The following LCA5L variants were observed in gnomAD, a reference collection of about 807,000 sequenced individuals.
LCA5L encodes lebercilin-like protein.
A neutral mutation model predicts 45.4 loss-of-function variants in LCA5L; 35 were observed. The observed-to-expected ratio is 0.77, with a 90% CI of 0.59 to 1.02. The LOEUF (loss-of-function observed/expected upper bound fraction) is 1.02, where lower values mean the gene tolerates loss of function less well. LCA5L is among the 50% of genes least tolerant of loss of function. The pLI is 0.00. For missense variants in LCA5L, 668 were observed against 761.6 expected, an observed-to-expected ratio of 0.88 and a Z score of 1.45; for synonymous variants, 233 against 264.7, an observed-to-expected ratio of 0.88 and a Z score of 1.16.
chr21:39,436,582 C>A (rs9983100), intron 2 of LCA5L, among the ~76,000 whole-genome samples: 1 of 151,828 alleles, frequency 6.6e-6, no homozygotes, highest in Non-Finnish European at 1.5e-5. Context: ...CCTGGGCTCA[C>A]GCGATCCTCC....
chr21:39,428,428 G>C lies in LCA5L; in HGVS notation c.66C>G (p.Asn22Lys), dbSNP rs141063997. The C allele has an allele frequency of 3.7e-6, 6 of 1,611,532 alleles. No homozygotes were observed. The African/African-American group carries it at 6.7e-5, about 18-fold the overall frequency. ...DEHFFGVALE[N>K]NRRSAACKRS... ...TCTTGCATGCTGCAGACCTCCTATTGTTTTCTAATGCCACGCCGAAGAAAT... is the reference window on the plus strand; with the variant it reads ...TCTTGCATGCTGCAGACCTCCTATTCTTTTCTAATGCCACGCCGAAGAAAT... Residue 22 changes from asparagine to lysine, a missense_variant, in exon 5 of 11, where the codon AAC becomes AAG. By Grantham distance (94) the Asn-to-Lys change is moderately conservative. Coordinates refer to ENST00000288350, the MANE Select transcript of LCA5L (RefSeq NM_152505.4).
rs969639528 is a variant in LCA5L at position 39,423,199 on chromosome 21, T to G, written c.614A>C (p.Asn205Thr). Reference protein sequence around the residue: ...NLPQIMAKHQNEVKNLRQLLR... With the variant: ...NLPQIMAKHQTEVKNLRQLLR... ...TAGTTGCCTTAAATTTTTTACTTCA[T>G]TCTGATGTTTAGCCATAATTTGAGG... Residue 205 changes from asparagine to threonine, a missense_variant, in exon 6 of 11, where the codon AAT (asparagine) becomes ACT (threonine). Coordinates refer to ENST00000288350, the MANE Select transcript of LCA5L (RefSeq NM_152505.4). 6.2e-7 allele frequency: 1 copy of G among 1,613,046 alleles called. No homozygotes were observed. Among genetic ancestry groups the G allele is most frequent in the South Asian group, 1.1e-5 (1 of 90,712 alleles).
intron 7 of LCA5L, among the ~76,000 whole-genome samples, chr21:39,414,742 CTGTGTGTGTG>C (rs66478742): frequency 2.0e-4 from 20 of 99,234 alleles, no homozygotes; most frequent in South Asian, 8.6e-4. Context: ...CTCTCTCTCT[CTGTGTGTGTG>C]TGTGTGTGTG....
intron 10 of LCA5L, among the ~76,000 whole-genome samples, chr21:39,407,580 C>G (rs1303650405): frequency 6.6e-6 from 1 of 152,170 alleles, no homozygotes; most frequent in Admixed American, 6.6e-5. Flanking sequence ...TAAGGTATGG[C>G]ACGTGCAGTC....
rs769708081 is a variant in LCA5L, at chr21:39,405,931, G to A, written c.1964C>T (p.Ser655Phe). 2 of 1,611,110 alleles carry A rather than the reference G, an allele frequency of 1.2e-6. No individual in the cohort carries two copies. Among genetic ancestry groups the A allele is most frequent in the Non-Finnish European group, 1.7e-6 (2 of 1,177,956 alleles). The part of the protein sequence containing the change: ...FGDSKVTVVN[S>F]IKPSSPTEGK... The stretch of plus-strand genomic sequence containing the variant: ...TTCTGTAGGTGACGATGGCTTAATA[G>A]AATTTACCACAGTTACTTTAGAGTC... The change falls in exon 11 of 11, where the codon TCT becomes TTT. Residue 655 changes from serine to phenylalanine, a missense_variant. Coordinates refer to ENST00000288350, the MANE Select transcript of LCA5L (RefSeq NM_152505.4).
intron 3 of LCA5L, among the ~76,000 whole-genome samples, chr21:39,432,451 C>T (rs761612157): frequency 1.3e-5 from 2 of 152,038 alleles, no homozygotes; most frequent in Non-Finnish European, 2.9e-5. Context: ...GCTTACTGAG[C>T]GTACATATTT....
chr21:39,406,789 G>A, intron 10 of LCA5L, 177 bp from the exon 11 acceptor site: 1 of 526,042 alleles, frequency 1.9e-6, no homozygotes, highest in Non-Finnish European at 3.3e-6. Flanking sequence ...TAACAAATGT[G>A]TTATGTTACA....
rs893185281 is a variant in LCA5L at position 39,423,579 on chromosome 21, A to G, written c.323-89T>C. The G allele has an allele frequency of 3.8e-5, 43 of 1,118,776 alleles. No homozygotes were observed. The South Asian group carries it at 7.0e-4, about 18-fold the overall frequency. 69.3% of individuals were successfully genotyped at this position (1,118,776 alleles called of 1,614,324 possible). A position where few individuals can be genotyped will look rare whatever the true frequency, so the allele number is the denominator to read the frequency against. ...TGCATAATCTCTCTCCCATGCCCCC[A>G]TGCACACACACCACACACATACACA... On this transcript the variant is annotated intron_variant, in intron 5 of 10. Transcript: ENST00000288350.
At chr21:39,420,579 C>T (rs2042135833) in intron 7 of LCA5L, 127 bp downstream of exon 7, 1 of 529,362 alleles carries the variant, frequency 1.9e-6, no homozygotes, top group Non-Finnish European at 3.0e-6. Flanking sequence ...AGGCCCCCTA[C>T]AAAGGGTAGA....
intron 7 of LCA5L, among the ~76,000 whole-genome samples, chr21:39,416,964 G>A (rs1441069983): frequency 6.6e-6 from 1 of 152,146 alleles, no homozygotes; most frequent in East Asian, 1.9e-4. Flanking sequence ...TCTGCATCCC[G>A]CGGTTACAAA....
chr21:39,426,860 C>G (rs1388609824), intron 5 of LCA5L, among the ~76,000 whole-genome samples: 1 of 152,148 alleles, frequency 6.6e-6, no homozygotes, highest in African/African-American at 2.4e-5. Flanking sequence ...GAGGTAGGAC[C>G]CCCAGCTCTC....
Position 39,420,668 on chromosome 21 carries a change from C to T in LCA5L, c.975+38G>A, listed in dbSNP as rs373572715. ...TAAATAGCTCATATATTTCGGGAAA[C>T]AGGATTTCATTCTTACATTTTGTTT... On this transcript the variant is annotated intron_variant, in intron 7 of 10. Coordinates refer to ENST00000288350, the MANE Select transcript of LCA5L (RefSeq NM_152505.4). 204 of 1,566,202 alleles carry T rather than the reference C, an allele frequency of 1.3e-4. No individual in the cohort carries two copies. In the African/African-American group the frequency reaches 2.5e-3, roughly 19 times the overall value.
At chr21:39,442,816 T>C (rs2077003875) in intron 2 of LCA5L, among the ~76,000 whole-genome samples, 1 of 151,940 alleles carries the variant, frequency 6.6e-6, no homozygotes, top group African/African-American at 2.4e-5. Context: ...AAGGGTCAAG[T>C]TGGAGAAAGG....
At chr21:39,439,040 G>C (rs947371972) in intron 2 of LCA5L, 1 of 152,184 alleles carries the variant, frequency 6.6e-6, no homozygotes, top group Non-Finnish European at 1.5e-5. Flanking sequence ...TCAGTTTCAG[G>C]TCTTGAGGTG....
intron 5 of LCA5L, among the ~76,000 whole-genome samples, chr21:39,423,838 C>T (rs2074162000): frequency 6.6e-6 from 1 of 152,102 alleles, no homozygotes; most frequent in Non-Finnish European, 1.5e-5. Flanking sequence ...ACTTAGATTT[C>T]TATTATAACA....
chr21:39,420,746 G>A lies in LCA5L; in HGVS notation c.935C>T (p.Thr312Ile). Reference protein sequence around the residue: ...KTLAAQTATKTLQVEVKHLQQ... With the variant: ...KTLAAQTATKILQVEVKHLQQ... ...AAGGTGTTTTACTTCCACCTGCAGA[G>A]TCTTGGTAGCTGTCTGAGCTGCTAA... Residue 312 changes from threonine to isoleucine, a missense_variant, in exon 7 of 11, where the codon ACT becomes ATT. Coordinates refer to ENST00000288350, the MANE Select transcript of LCA5L (RefSeq NM_152505.4). The A allele has an allele frequency of 6.2e-7, 1 of 1,613,514 alleles. No individual in the cohort carries two copies. The highest frequency in any genetic ancestry group is 8.5e-7 in the Non-Finnish European group (1 of 1,179,498).
chr21:39,412,882 T>C (rs1601728770), intron 7 of LCA5L, among the ~76,000 whole-genome samples: 1 of 152,108 alleles, frequency 6.6e-6, no homozygotes, highest in South Asian at 2.1e-4. Context: ...AGGCCAGAGA[T>C]TGTGCTTCCC....
rs967316231 is a variant in LCA5L at position 39,409,919 on chromosome 21, T to C, written c.1282+60A>G. 7.3e-6 allele frequency: 7 copies of C among 962,454 alleles called. No individual in the cohort carries two copies. In the African/African-American group the frequency reaches 1.2e-4, roughly 16 times the overall value. The allele number at this position is 962,454 out of a possible 1,614,324, so 59.6% of individuals were successfully genotyped here. A position where few individuals can be genotyped will look rare whatever the true frequency, so the allele number is the denominator to read the frequency against. On this transcript the variant is annotated intron_variant, in intron 10 of 10. Transcript: ENST00000288350. The surrounding 1 kb of genome is among the most constrained non-coding windows in gnomAD (Gnocchi z 4.2). ...GTTTTATGTGTGCTTTATATACACA[T>C]ATAGTAATTCACAATTTTAAAGAAA... is the stretch of plus-strand genomic sequence containing the variant.
chr21:39,425,319 T>C (rs1486580822), intron 5 of LCA5L, among the ~76,000 whole-genome samples: 1 of 152,156 alleles, frequency 6.6e-6, no homozygotes, highest in African/African-American at 2.4e-5. Context: ...ATAGAAACAA[T>C]GAACCAAGAG....
Sources: gnomAD v4.1 joint callset for allele counts (sites outside exome capture counted in the v4.1 genomes callset) on GRCh38, gnomAD v4.1.1 for gene constraint, Gnocchi (gnomAD v3.1) non-coding constraint, MANE v1.5 for transcripts, NCBI Gene and HGNC (gene_info 2026-07-23, HGNC 2026-07-21) for gene names.